The following RECK variants were observed in gnomAD, a reference collection of about 807,000 sequenced individuals.
The protein encoded by RECK is reversion inducing cysteine rich protein with kazal motifs, also known as reversion-inducing cysteine-rich protein with Kazal motifs.
In RECK, 69 loss-of-function variants were observed where a neutral mutation model predicts 115.1. The ratio of observed to expected loss-of-function variants is 0.60; its 90% CI spans 0.49 to 0.73. RECK has a LOEUF of 0.73. Among genes scored for constraint, RECK ranks in the 30% least tolerant of loss-of-function variants. RECK has a pLI of 0.00. For missense variants in RECK, 1,047 were observed against 1,203.7 expected, an observed-to-expected ratio of 0.87 and a Z score of 1.93; for synonymous variants, 414 against 419.7, an observed-to-expected ratio of 0.99 and a Z score of 0.17.
chr9:36,041,536 A>G (rs75922923), intron 1 of RECK, among the ~76,000 whole-genome samples: 2,213 of 152,290 alleles, frequency 0.015, 48 homozygotes, highest in East Asian at 0.062. Flanking sequence ...ACCCAAAATA[A>G]GTCAGGATTA....
At chr9:36,039,438 G>C (rs1268353483) in intron 1 of RECK, among the ~76,000 whole-genome samples, 2 of 152,164 alleles carry the variant, frequency 1.3e-5, no homozygotes, top group East Asian at 1.9e-4. Flanking sequence ...GGGTACTTCT[G>C]TCTGCTCTGG....
At chr9:36,109,846 A>G (rs941263131) in intron 14 of RECK, 111 bp from the exon 15 acceptor site, 2 of 1,164,104 alleles carry the variant, frequency 1.7e-6, no homozygotes, top group Non-Finnish European at 2.5e-6. Flanking sequence ...CCTTCTCAAA[A>G]AAAAAAAAAG....
chr9:36,076,182 T>G (rs1822442245), intron 6 of RECK, among the ~76,000 whole-genome samples: 1 of 152,246 alleles, frequency 6.6e-6, no homozygotes, highest in South Asian at 2.1e-4. Flanking sequence ...GAGAATAGTC[T>G]GGTCTCACTG....
At chr9:36,072,932 A>G (rs1385480342) in intron 6 of RECK, among the ~76,000 whole-genome samples, 2 of 152,160 alleles carry the variant, frequency 1.3e-5, no homozygotes, top group African/African-American at 4.8e-5. Context: ...AAATCAGATT[A>G]GATTGCGACC....
At chr9:36,108,788 C>T (rs559210238) in intron 14 of RECK, among the ~76,000 whole-genome samples, 2 of 152,198 alleles carry the variant, frequency 1.3e-5, no homozygotes, top group Admixed American at 6.5e-5. Context: ...AAATCTTAGA[C>T]TCCACTGCTT....
At chr9:36,086,858 C>T (rs1193926900) in intron 8 of RECK, among the ~76,000 whole-genome samples, 3 of 152,180 alleles carry the variant, frequency 2.0e-5, no homozygotes, top group African/African-American at 7.2e-5. Flanking sequence ...TTGTTTCTAG[C>T]AGGAAATAAT....
chr9:36,063,491 T>C (rs974211396), intron 4 of RECK, among the ~76,000 whole-genome samples: 5 of 152,208 alleles, frequency 3.3e-5, no homozygotes, highest in African/African-American at 1.2e-4. Flanking sequence ...CCTTCCCTTG[T>C]ACGTCCTCTG....
intron 12 of RECK, among the ~76,000 whole-genome samples, chr9:36,102,559 A>AG (rs1823601519): frequency 6.6e-6 from 1 of 152,214 alleles, no homozygotes; most frequent in South Asian, 2.1e-4. Context: ...ATGACTAGAA[A>AG]GTGGAATTTA....
intron 17 of RECK, among the ~76,000 whole-genome samples, chr9:36,118,041 A>T (rs1824327848): frequency 6.6e-6 from 1 of 152,188 alleles, no homozygotes; most frequent in Non-Finnish European, 1.5e-5. Flanking sequence ...CACTGATTTT[A>T]TGCTTGCCCC....
intron 20 of RECK, among the ~76,000 whole-genome samples, chr9:36,121,922 C>G (rs10972734): frequency 0.25 from 37,547 of 151,970 alleles, 5,956 homozygotes; most frequent in African/African-American, 0.45. Context: ...GGCACCAGGG[C>G]AGGGGAGGGA....
At chr9:36,058,663 A>T (rs12685578) in intron 2 of RECK, among the ~76,000 whole-genome samples, 164 bp from the exon 3 acceptor site, 9 of 144,406 alleles carry the variant, frequency 6.2e-5, no homozygotes, top group Admixed American at 1.4e-4. Flanking sequence ...AATAATTAAT[A>T]AATAAATAAA....
rs1287181997 is a variant in RECK at position 36,101,380 on chromosome 9, T to A, written c.1299-714T>A. On this transcript the variant is annotated intron_variant, in intron 11 of 20. Transcript: ENST00000377966. Reference sequence around the variant, plus strand: ...ATCTGCCCATTGTTCTTCACATATCTTTTTTTCCAAAAGTTTTCCAAAACC... The same window carrying A: ...ATCTGCCCATTGTTCTTCACATATCATTTTTTCCAAAAGTTTTCCAAAACC... 1.6e-4 allele frequency among the ~76,000 whole-genome samples: 24 copies of A among 152,304 alleles called. No individual in the cohort carries two copies. The South Asian group carries it at 2.1e-3, about 13-fold the overall frequency.
chr9:36,073,213 A>AACACACAGAC (rs879338865), intron 6 of RECK, among the ~76,000 whole-genome samples: 1 of 141,828 alleles, frequency 7.1e-6, no homozygotes, highest in African/African-American at 2.8e-5. Flanking sequence ...CCTAAACAGC[A>AACACACAGAC]ACACACAGAC....
chr9:36,060,210 A>G, intron 4 of RECK, 55 bp downstream of exon 4: 1 of 1,541,584 alleles, frequency 6.5e-7, no homozygotes, highest in Non-Finnish European at 9.0e-7. Context: ...TACTGTGTGA[A>G]TGTAAAATTG....
chr9:36,109,119 A>G (rs139660445), intron 14 of RECK, among the ~76,000 whole-genome samples: 7 of 152,230 alleles, frequency 4.6e-5, no homozygotes, highest in African/African-American at 1.4e-4. Flanking sequence ...GAAGGTAGGT[A>G]CTTTGTATCA....
chr9:36,105,229 A>G lies in RECK; in HGVS notation c.1522A>G (p.Asn508Asp), dbSNP rs1823750881. 6.2e-7 allele frequency: 1 copy of G among 1,614,056 alleles called. No individual in the cohort carries two copies. Among genetic ancestry groups the G allele is most frequent in the African/African-American group, 1.3e-5 (1 of 74,944 alleles). ...PCPANELCEV[N>D]RKGCPSGDPC... ...CCCTGCCAATGAGCTCTGTGAAGTAAACCGAAAAGGATGTCCATCTGGAGA... is the reference window on the plus strand; with the variant it reads ...CCCTGCCAATGAGCTCTGTGAAGTAGACCGAAAAGGATGTCCATCTGGAGA... Residue 508 changes from asparagine (N) to aspartate (D), a missense_variant, in exon 13 of 21, where the codon AAC becomes GAC. Physicochemically the swap from Asn to Asp is conservative, Grantham distance 23 (BLOSUM62 1). Transcript: ENST00000377966.
intron 14 of RECK, 93 bp from the exon 15 acceptor site, chr9:36,109,864 C>A: frequency 1.6e-6 from 2 of 1,245,306 alleles, no homozygotes; most frequent in Non-Finnish European, 2.2e-6. Flanking sequence ...AAGGAATTTC[C>A]ATTTTAAAAC....
chr9:36,117,245 G>A, intron 17 of RECK, 68 bp downstream of exon 17: 9 of 1,292,908 alleles, frequency 7.0e-6, no homozygotes, highest in Non-Finnish European at 9.6e-6. Flanking sequence ...TTTTACAGAT[G>A]AATCAACAGT....
chr9:36,068,314 A>G (rs1822091745), intron 6 of RECK, among the ~76,000 whole-genome samples: 2 of 152,230 alleles, frequency 1.3e-5, no homozygotes, highest in African/African-American at 4.8e-5. Flanking sequence ...TCCATCAGCA[A>G]GATTCGTTAT....
Sources: allele counts gnomAD v4.1 joint callset (sites outside exome capture counted in the v4.1 genomes callset), GRCh38; gene constraint gnomAD v4.1.1; transcripts MANE v1.5; gene names NCBI Gene and HGNC (gene_info 2026-07-23, HGNC 2026-07-21).